The following TRPM3 variants were observed in gnomAD, a reference collection of about 807,000 sequenced individuals.
TRPM3 encodes transient receptor potential cation channel subfamily M member 3, also known as long transient receptor potential channel 3.
TRPM3 carries 77 observed loss-of-function variants against 181.2 expected under a neutral mutation model. That is an observed-to-expected ratio of 0.42 (90% CI 0.35 to 0.51). The LOEUF is 0.51. Ranked by LOEUF, TRPM3 falls within the 20% of genes least tolerant of loss-of-function variation. The pLI is 0.01. For synonymous variants in TRPM3, 745 were observed against 796.4 expected (o/e 0.94, Z 1.09); for missense variants, 1,759 against 2,196.7 (o/e 0.80, Z 3.98).
intron 6 of TRPM3, among the ~76,000 whole-genome samples, chr9:70,823,851 G>A (rs2093368689): frequency 6.6e-6 from 1 of 152,228 alleles, no homozygotes; most frequent in Non-Finnish European, 1.5e-5. Context: ...GTAGATGGAA[G>A]AGCATTGTGA....
intron 1 of TRPM3, among the ~76,000 whole-genome samples, chr9:71,058,894 T>C (rs2060970160): frequency 6.6e-6 from 1 of 151,952 alleles, no homozygotes; most frequent in African/African-American, 2.4e-5. Context: ...AAAAGCTCAC[T>C]GCTAACACTG....
chr9:71,373,205 TA>T (rs2092573410), intron 1 of TRPM3, among the ~76,000 whole-genome samples: 1 of 150,234 alleles, frequency 6.7e-6, no homozygotes, highest in Non-Finnish European at 1.5e-5. Context: ...ACATCTCAAC[TA>T]AAAGAAACAT....
chr9:70,965,242 C>G (rs769866787), intron 1 of TRPM3, among the ~76,000 whole-genome samples: 17 of 152,024 alleles, frequency 1.1e-4, no homozygotes, highest in Non-Finnish European at 4.4e-5. Flanking sequence ...AAGAATAGCA[C>G]TGAACATATT....
At chr9:70,583,806 G>A (rs1252844764) in intron 22 of TRPM3, among the ~76,000 whole-genome samples, 2 of 152,102 alleles carry the variant, frequency 1.3e-5, no homozygotes, top group South Asian at 2.1e-4. Flanking sequence ...TATACTACTA[G>A]AGTTCCAGTC....
intron 20 of TRPM3, 29 bp downstream of exon 20, chr9:70,603,313 C>T: frequency 6.2e-7 from 1 of 1,606,180 alleles, no homozygotes; most frequent in Non-Finnish European, 8.5e-7. Context: ...CTGTCTTTCT[C>T]TTACGTTTTC....
chr9:70,564,460 A>G (rs1016754098), intron 22 of TRPM3, among the ~76,000 whole-genome samples: 4 of 152,146 alleles, frequency 2.6e-5, no homozygotes, highest in African/African-American at 9.7e-5. Context: ...GTGAGTCCAC[A>G]CTACCTCAGC....
At chr9:71,272,882 T>C (rs1346617994) in intron 1 of TRPM3, among the ~76,000 whole-genome samples, 2 of 151,940 alleles carry the variant, frequency 1.3e-5, no homozygotes, top group South Asian at 2.1e-4. Context: ...GTAATTTTTT[T>C]TTTTTTTTTG....
intron 1 of TRPM3, among the ~76,000 whole-genome samples, chr9:70,952,031 A>T (rs1286417388): frequency 6.6e-6 from 1 of 152,166 alleles, no homozygotes. Context: ...CCTTGATTTC[A>T]CCTCCAGAAT....
rs1048097804 is a variant in TRPM3 at position 70,591,106 on chromosome 9, A to C, written c.3148T>G (p.Trp1050Gly). Reference protein sequence around the residue: ...AILFPNEEPSWKLAKNIFYMP... With the variant: ...AILFPNEEPSGKLAKNIFYMP... Reference sequence around the variant, plus strand: ...TAGAAGATGTTCTTGGCCAGTTTCCATGATGGCTCCTCATTGGGAAAAAGG... The same window carrying C: ...TAGAAGATGTTCTTGGCCAGTTTCCCTGATGGCTCCTCATTGGGAAAAAGG... The change falls in exon 22 of 26, where the codon TGG becomes GGG. Residue 1050 changes from tryptophan (W) to glycine (G), a missense_variant. This residue lies in a region of TRPM3 where 94 missense variants were observed against 221.3 expected (regional missense o/e 0.42). Coordinates refer to ENST00000677713, the MANE Select transcript of TRPM3 (RefSeq NM_001366145.2). 2.5e-6 allele frequency: 4 copies of C among 1,614,078 alleles called. No individual in the cohort carries two copies. In the African/African-American group the frequency reaches 5.3e-5, roughly 22 times the overall value.
intron 1 of TRPM3, among the ~76,000 whole-genome samples, chr9:70,970,824 G>A (rs1175293380): frequency 6.6e-6 from 1 of 152,116 alleles, no homozygotes; most frequent in African/African-American, 2.4e-5. Context: ...ACCTTGCTGA[G>A]TGGTCTCCCC....
chr9:71,343,383 T>A (rs2091090285), intron 1 of TRPM3, among the ~76,000 whole-genome samples: 1 of 152,100 alleles, frequency 6.6e-6, no homozygotes, highest in Admixed American at 6.6e-5. Context: ...GGGAGGGGAT[T>A]CAAATACTTC....
chr9:71,420,813 A>AAGAGAGAGAGAGAAAGAGAAAG (rs1341225975), intron 1 of TRPM3, among the ~76,000 whole-genome samples: 2 of 10,944 alleles, frequency 1.8e-4, no homozygotes, highest in African/African-American at 6.4e-4. Flanking sequence ...GAGAGAAAGA[A>AAGAGAGAGAGAGAAAGAGAAAG]AGAGAGAAAG....
intron 1 of TRPM3, among the ~76,000 whole-genome samples, chr9:70,923,208 T>A (rs2096676020): frequency 6.6e-6 from 1 of 152,192 alleles, no homozygotes; most frequent in African/African-American, 2.4e-5. Flanking sequence ...CAAATGTCGC[T>A]TAAAATAACT....
At chr9:71,119,759 G>C (rs1302641118) in intron 1 of TRPM3, among the ~76,000 whole-genome samples, 1 of 152,082 alleles carries the variant, frequency 6.6e-6, no homozygotes, top group Non-Finnish European at 1.5e-5. Context: ...AGTGATTCTG[G>C]AGAAAATGTA....
At position 71,273,152 on chromosome 9, in the gene TRPM3, T is replaced by G. The variant is rs150640272; in HGVS notation, c.183+173501A>C. Among the ~76,000 whole-genome samples the G allele has an allele frequency of 1.0e-3, 154 of 152,262 alleles. 2 individuals carry two copies. The East Asian group carries it at 0.012, about 12-fold the overall frequency. ...TGGCCACCCAAAGTGCTGGGATTTA[T>G]GAGCCCAGCCTATTAAAGCATTTTT... On this transcript the variant is annotated intron_variant, in intron 1 of 24. Transcript: ENST00000357533.
intron 1 of TRPM3, among the ~76,000 whole-genome samples, chr9:71,246,756 C>A (rs991393850): frequency 1.3e-5 from 2 of 152,174 alleles, no homozygotes; most frequent in Admixed American, 6.5e-5. Context: ...AATTTACCTA[C>A]CCTAATATCA....
At chr9:71,278,158 A>AG (rs887051265) in intron 1 of TRPM3, among the ~76,000 whole-genome samples, 1 of 152,226 alleles carries the variant, frequency 6.6e-6, no homozygotes, top group Non-Finnish European at 1.5e-5. Flanking sequence ...TTTCAGTAAA[A>AG]GGAACAATAA....
At chr9:71,222,428 T>C (rs1416086172) in intron 1 of TRPM3, among the ~76,000 whole-genome samples, 1 of 152,248 alleles carries the variant, frequency 6.6e-6, no homozygotes, top group African/African-American at 2.4e-5. Context: ...GTCATTCATA[T>C]GTGTTCTTTC....
chr9:71,167,823 C>A (rs1418129671), intron 1 of TRPM3, among the ~76,000 whole-genome samples: 1 of 152,086 alleles, frequency 6.6e-6, no homozygotes, highest in Non-Finnish European at 1.5e-5. Context: ...CAGCAGCATT[C>A]TAGTTGCATT....
Sources: allele counts gnomAD v4.1 joint callset (sites outside exome capture counted in the v4.1 genomes callset), GRCh38; gene constraint gnomAD v4.1.1; regional missense constraint gnomAD v4.1.1; transcripts MANE v1.5; gene names NCBI Gene and HGNC (gene_info 2026-07-23, HGNC 2026-07-21).